KDM2B: variants seen among roughly 807,000 people sequenced by gnomAD.
KDM2B encodes lysine demethylase 2B.
A neutral mutation model predicts 150.0 loss-of-function variants in KDM2B; 26 were observed. That is an observed-to-expected ratio of 0.17 (90% confidence interval 0.13 to 0.24). KDM2B has a LOEUF of 0.24. KDM2B is among the 10% of genes least tolerant of loss of function. KDM2B has a pLI of 1.00. For missense variants in KDM2B, 1,265 were observed against 1,816.9 expected (o/e 0.70, Z 5.52); for synonymous variants, 734 against 729.5 (o/e 1.01, Z -0.10).
At chr12:121,413,037 T>C in the KDM2B span, among the ~76,000 whole-genome samples, 2 of 146,456 alleles carry the variant, frequency 1.4e-5, no homozygotes, top group African/African-American at 5.1e-5. Flanking sequence ...TTTTCCTTCC[T>C]CTTTTCGAGG....
At chr12:121,476,277 G>A (rs924552899) in intron 12 of KDM2B, among the ~76,000 whole-genome samples, 3 of 151,434 alleles carry the variant, frequency 2.0e-5, no homozygotes, top group South Asian at 2.1e-4. Flanking sequence ...CCTGAAGGAC[G>A]AGGGCGAGAC....
At chr12:121,416,484 A>G in the KDM2B span, 1 of 809,134 alleles carries the variant, frequency 1.2e-6, no homozygotes, top group Non-Finnish European at 2.0e-6. Flanking sequence ...AAAAATATCA[A>G]AAGCTTAGTT....
At chr12:121,445,530 C>T (rs1029288880) in intron 13 of KDM2B, 112 bp from the exon 14 acceptor site, 28 of 1,077,650 alleles carry the variant, frequency 2.6e-5, no homozygotes, top group East Asian at 5.2e-5. Flanking sequence ...AGGAGACCCC[C>T]GGAAAGTGGC....
At chr12:121,417,748 A>G in the KDM2B span, 2 of 1,614,158 alleles carry the variant, frequency 1.2e-6, no homozygotes. This position sits in a 1 kb window ranked among gnomAD's most constrained non-coding sequence, Gnocchi z 5.0. Context: ...GGCTCTGAGG[A>G]CGACATGGAC....
intron 12 of KDM2B, among the ~76,000 whole-genome samples, chr12:121,483,958 C>T (rs2140111225): frequency 6.6e-6 from 1 of 152,154 alleles, no homozygotes; most frequent in East Asian, 1.9e-4. Flanking sequence ...GAGCTGTTTC[C>T]TCCCCTTGGC....
At chr12:121,580,347 T>C (rs1173173220) in intron 1 of KDM2B, 50 of 774,524 alleles carry the variant, frequency 6.5e-5, no homozygotes, top group Admixed American at 1.1e-4. Flanking sequence ...GGGGGGGCTC[T>C]CGGCCCGGGC....
chr12:121,530,729 C>T (rs1384472016), intron 8 of KDM2B, among the ~76,000 whole-genome samples: 5 of 152,154 alleles, frequency 3.3e-5, no homozygotes, highest in Admixed American at 6.6e-5. Context: ...TAGACAGCCA[C>T]GCCCACACCC....
Position 121,442,458 on chromosome 12 carries a change from G to C in KDM2B, c.2983C>G (p.His995Asp). The stretch of plus-strand genomic sequence containing the variant: ...CCGTTGAGCCCCTTGCTGAAGCGGT[G>C]GGGACGCTCGCAGATGCCCGGGGGC... ...KRPPGICERP[H>D]RFSKGLNGTP... The change falls in exon 19 of 23, where the codon CAC (histidine) becomes GAC (aspartate). Residue 995 changes from histidine to aspartate, a missense_variant. This residue lies in a region of KDM2B where 418 missense variants were observed against 402.4 expected (regional missense o/e 1.04). Coordinates refer to ENST00000377071, the MANE Select transcript of KDM2B (RefSeq NM_032590.5). The surrounding 1 kb of genome is among the most constrained non-coding windows in gnomAD (Gnocchi z 7.7). 2 of 1,599,824 alleles carry C rather than the reference G, an allele frequency of 1.3e-6. No individual in the cohort carries two copies. The highest frequency in any genetic ancestry group is 2.2e-5 in the South Asian group (2 of 91,042).
rs1422510710 is a variant in KDM2B, at chr12:121,452,070, T to C, written c.1959+1050A>G. ...CAATCACAGAAAGCCAATTACTGCA[T>C]AATTCCACTTCTATGAGGTCCCGAG... On this transcript the variant is annotated intron_variant, in intron 13 of 22. Coordinates refer to ENST00000377071, the MANE Select transcript of KDM2B (RefSeq NM_032590.5). The surrounding 1 kb of genome is among the most constrained non-coding windows in gnomAD (Gnocchi z 4.4). Among the ~76,000 whole-genome samples, 7 of 152,064 alleles carry C rather than the reference T, an allele frequency of 4.6e-5. No homozygotes were observed. The highest frequency in any genetic ancestry group is 1.0e-4 in the Non-Finnish European group (7 of 68,004).
chr12:121,519,481 A>G (rs1594032581), intron 9 of KDM2B, among the ~76,000 whole-genome samples: 1 of 152,240 alleles, frequency 6.6e-6, no homozygotes, highest in Non-Finnish European at 1.5e-5. Flanking sequence ...ACATGCTACA[A>G]TGTGGATGAA....
At chr12:121,508,165 T>C (rs782208549) in intron 11 of KDM2B, among the ~76,000 whole-genome samples, 10 of 152,096 alleles carry the variant, frequency 6.6e-5, no homozygotes, top group Non-Finnish European at 1.0e-4. Context: ...TGGCTCCCTA[T>C]AGCAGTGACC....
At position 121,520,657 on chromosome 12, in the gene KDM2B, A is replaced by C. The variant is rs571074072; in HGVS notation, c.1047+328T>G. On this transcript the variant is annotated intron_variant, in intron 9 of 22. Coordinates refer to ENST00000377071, the MANE Select transcript of KDM2B (RefSeq NM_032590.5). The surrounding 1 kb of genome is among the most constrained non-coding windows in gnomAD (Gnocchi z 4.5). ...AGCGACCAAATCCCCCTAATCCCTC[A>C]CACCACTTTCTCCACGTGAGGAGGA... Among the ~76,000 whole-genome samples the C allele has an allele frequency of 6.6e-6, 1 of 152,132 alleles. No homozygotes were observed. Among genetic ancestry groups the C allele is most frequent in the Non-Finnish European group, 1.5e-5 (1 of 67,978 alleles).
chr12:121,580,164 G>A, intron 1 of KDM2B: 1 of 1,426,518 alleles, frequency 7.0e-7, no homozygotes. Context: ...AATAAATAAA[G>A]CAAGCCAGAG....
chr12:121,450,004 C>G (rs575257365), intron 13 of KDM2B, among the ~76,000 whole-genome samples: 1 of 152,170 alleles, frequency 6.6e-6, no homozygotes, highest in East Asian at 1.9e-4. Flanking sequence ...ACTCCTCTAA[C>G]TCAGCAACAA....
chr12:121,425,490 G>A (rs28682461), downstream of KDM2B, among the ~76,000 whole-genome samples: 28,995 of 151,992 alleles, frequency 0.19, 4,274 homozygotes, highest in African/African-American at 0.41. Context: ...TAACACATAT[G>A]GCCTTGGGTG....
chr12:121,574,510 C>G, intron 4 of KDM2B, 37 bp downstream of exon 4: 1 of 1,606,496 alleles, frequency 6.2e-7, no homozygotes, highest in Non-Finnish European at 8.5e-7. Context: ...TTCCCTACTT[C>G]AGCATGTCTG....
chr12:121,412,707 G>C, the KDM2B span, among the ~76,000 whole-genome samples: 4 of 148,692 alleles, frequency 2.7e-5, no homozygotes, highest in South Asian at 8.6e-4. Context: ...AACTCTTAGT[G>C]AATCTAGATG....
intron 6 of KDM2B, among the ~76,000 whole-genome samples, chr12:121,547,844 T>C (rs979524728): frequency 1.3e-5 from 2 of 151,930 alleles, no homozygotes; most frequent in Non-Finnish European, 2.9e-5. Context: ...AGTTTTGCCA[T>C]GTTGGTCTGG....
At chr12:121,547,645 C>CTTTTTT (rs55686141) in intron 6 of KDM2B, among the ~76,000 whole-genome samples, 1 of 80,268 alleles carries the variant, frequency 1.2e-5, no homozygotes, top group African/African-American at 4.2e-5. Flanking sequence ...CTTCCCCTTC[C>CTTTTTT]TTTTTTTTTT....
Sources: gnomAD v4.1 joint callset for allele counts (sites outside exome capture counted in the v4.1 genomes callset) on GRCh38, gnomAD v4.1.1 for gene constraint, gnomAD v4.1.1 regional missense constraint, Gnocchi (gnomAD v3.1) non-coding constraint, MANE v1.5 for transcripts, NCBI Gene and HGNC (gene_info 2026-07-23, HGNC 2026-07-21) for gene names.